The following C9 variants were observed in gnomAD, a reference collection of about 807,000 sequenced individuals.
The protein encoded by C9 is complement C9.
In C9, 63 loss-of-function variants were observed where a neutral mutation model predicts 65.4. The observed-to-expected ratio is 0.96, with a 90% CI of 0.79 to 1.19. The LOEUF is 1.19. C9 is among the 50% of genes most tolerant of loss of function. The pLI, the probability that C9 is intolerant of heterozygous loss-of-function variation, is 0.00. For missense variants in C9, 744 were observed against 670.1 expected, an observed-to-expected ratio of 1.11 and a Z score of -1.22; for synonymous variants, 229 against 227.9, an observed-to-expected ratio of 1.00 and a Z score of -0.04.
At position 39,364,376 on chromosome 5, in the gene C9, T is replaced by C. The variant is rs770155983; in HGVS notation, c.77+12A>G. On this transcript the variant is annotated intron_variant, in intron 1 of 10. Transcript: ENST00000263408. ...AAACTTCCAGAGACAAGCAGAAAAG[T>C]AACTGACTCACCTGGTCGTGTACTG... 14 of 1,523,010 alleles carry C rather than the reference T, an allele frequency of 9.2e-6. No individual in the cohort carries two copies. In the Admixed American group the frequency reaches 2.3e-4, roughly 25 times the overall value. The allele number at this position is 1,523,010 out of a possible 1,614,324, so 94.3% of individuals were successfully genotyped here. A position where few individuals can be genotyped will look rare whatever the true frequency, so the allele number is the denominator to read the frequency against.
At chr5:39,328,108 A>G (rs1753783235) in intron 5 of C9, among the ~76,000 whole-genome samples, 1 of 152,236 alleles carries the variant, frequency 6.6e-6, no homozygotes, top group Non-Finnish European at 1.5e-5. Flanking sequence ...CAGAATGTCT[A>G]GCAATGTACT....
intron 9 of C9, among the ~76,000 whole-genome samples, chr5:39,301,993 T>C (rs1456280975): frequency 1.3e-5 from 2 of 152,078 alleles, no homozygotes; most frequent in East Asian, 3.9e-4. Context: ...ATTCATCTTG[T>C]TATACCCTTC....
chr5:39,299,851 A>G (rs1464670343), intron 9 of C9, among the ~76,000 whole-genome samples: 1 of 152,170 alleles, frequency 6.6e-6, no homozygotes. Flanking sequence ...TTACATTAAA[A>G]TGTATCTATA....
Position 39,288,916 on chromosome 5 carries a change from C to G in C9, c.1452G>C (p.Met484Ile), listed in dbSNP as rs767905627. The G allele has an allele frequency of 6.2e-7, 1 of 1,609,452 alleles. No homozygotes were observed. Among genetic ancestry groups the G allele is most frequent in the East Asian group, 2.2e-5 (1 of 44,746 alleles). ...TTTGTTTCTTTAGGTGTGCATTTTT[C>G]ATTTTCACTGGAACCAGATTATATA... ...SPIYNLVPVKMKNAHLKKQNL... is the reference protein window; with the variant it reads ...SPIYNLVPVKIKNAHLKKQNL... Residue 484 changes from methionine to isoleucine, a missense_variant, in exon 10 of 11, where the codon ATG becomes ATC. Met to Ile is a conservative substitution (Grantham distance 10, BLOSUM62 1). Transcript: ENST00000263408.
intron 1 of C9, among the ~76,000 whole-genome samples, chr5:39,352,757 AAAATGC>A (rs1027765483): frequency 6.6e-6 from 1 of 152,206 alleles, no homozygotes; most frequent in African/African-American, 2.4e-5. Context: ...GGGTCTTTTA[AAAATGC>A]AAATTTGATC....
In C9 at chr5:39,341,631, T is replaced by G; in HGVS notation, c.253A>C (p.Arg85=). 6.2e-7 allele frequency: 1 copy of G among 1,613,800 alleles called. No individual in the cohort carries two copies. Among genetic ancestry groups the G allele is most frequent in the Non-Finnish European group, 8.5e-7 (1 of 1,179,638 alleles). The change falls in exon 3 of 11, where the codon AGA becomes CGA. Residue 85 remains arginine (R), a synonymous_variant. Transcript: ENST00000263408. The part of the protein sequence containing the change: ...GKRCTDAVGD[R]RQCVPTEPCE... ...GGCTCTGTGGGCACACACTGTCGTC[T>G]GTCTCCCACAGCGTCGGTGCATCTT...
intron 9 of C9, among the ~76,000 whole-genome samples, chr5:39,301,707 A>C (rs1753287009): frequency 1.6e-5 from 2 of 128,562 alleles, no homozygotes; most frequent in African/African-American, 5.3e-5. Flanking sequence ...CATCTGTATC[A>C]AAAACACCAT....
intron 5 of C9, among the ~76,000 whole-genome samples, chr5:39,318,068 G>T (rs1232321247): frequency 4.0e-5 from 6 of 151,478 alleles, no homozygotes; most frequent in Non-Finnish European, 5.9e-5. Flanking sequence ...CACTTGCTTT[G>T]TTAGCTGTAT....
chr5:39,314,949 A>G (rs538747801), intron 6 of C9, among the ~76,000 whole-genome samples: 2 of 152,266 alleles, frequency 1.3e-5, no homozygotes, highest in Admixed American at 6.5e-5. Flanking sequence ...AATTTTCATC[A>G]GCTTGGTTCA....
chr5:39,350,990 G>C (rs1159324360), intron 1 of C9, among the ~76,000 whole-genome samples: 2 of 152,174 alleles, frequency 1.3e-5, no homozygotes, highest in Non-Finnish European at 2.9e-5. Context: ...GCAAACTTCT[G>C]CCTGGACATC....
chr5:39,340,513 T>C (rs1579870086), intron 4 of C9, among the ~76,000 whole-genome samples: 1 of 152,212 alleles, frequency 6.6e-6, no homozygotes, highest in African/African-American at 2.4e-5. Context: ...CTCTATTCTG[T>C]ATAATCCTGA....
intron 4 of C9, among the ~76,000 whole-genome samples, chr5:39,334,379 C>T (rs1753913481): frequency 6.7e-6 from 1 of 149,538 alleles, no homozygotes; most frequent in African/African-American, 2.5e-5. Context: ...TGCCTGGCAA[C>T]CGCCCCGTCT....
chr5:39,308,932 A>G (rs990108134), intron 7 of C9, among the ~76,000 whole-genome samples: 1 of 152,168 alleles, frequency 6.6e-6, no homozygotes, highest in Non-Finnish European at 1.5e-5. Context: ...AGATACATCA[A>G]CATCTCCTGA....
At chr5:39,343,770 C>T (rs979101643) in intron 1 of C9, among the ~76,000 whole-genome samples, 1 of 152,166 alleles carries the variant, frequency 6.6e-6, no homozygotes, top group Non-Finnish European at 1.5e-5. Context: ...TGGGAGGCAC[C>T]CCCCAGTAGG....
Position 39,306,706 on chromosome 5 carries a change from T to A in C9, c.1327A>T (p.Lys443Ter), listed in dbSNP as rs1753385853. Residue 443 changes from lysine to a stop codon, truncating the protein, a stop_gained, in exon 9 of 11, where the codon AAG becomes TAG. Coordinates refer to ENST00000263408, the MANE Select transcript of C9 (RefSeq NM_001737.5). LOFTEE classifies it high-confidence loss of function. Reference protein sequence around the residue: ...TRKYAFELKEKLLRGTVIDVT... With the variant: ...TRKYAFELKE ...TCAATCACGGTTCCTCGGAGAAGCT[T>A]TTCTTTCAGTTCAAATGCATATTTT... 1 of 1,613,128 alleles carries A rather than the reference T, an allele frequency of 6.2e-7. No individual in the cohort carries two copies. Among genetic ancestry groups the A allele is most frequent in the Admixed American group, 1.7e-5 (1 of 59,958 alleles).
intron 7 of C9, among the ~76,000 whole-genome samples, chr5:39,310,689 T>C (rs968740454): frequency 6.6e-6 from 1 of 152,206 alleles, no homozygotes; most frequent in Non-Finnish European, 1.5e-5. Context: ...ATAACACTGC[T>C]TCTTCTTTTC....
rs1489484784 is a variant in C9 at position 39,341,144 on chromosome 5, A to G, written c.476+2T>C. The G allele has an allele frequency of 1.9e-6, 3 of 1,614,010 alleles. No homozygotes were observed. Among genetic ancestry groups the G allele is most frequent in the Non-Finnish European group, 2.5e-6 (3 of 1,179,970 alleles). On this transcript the variant is annotated splice_donor_variant, in intron 4 of 10. Coordinates refer to ENST00000263408, the MANE Select transcript of C9 (RefSeq NM_001737.5). LOFTEE classifies it high-confidence loss of function. ...CTGAAAAAGTACAAGTAAAATACAC[A>G]CCCATAGCCTGCTGTTCGTGCCAGC...
intron 9 of C9, among the ~76,000 whole-genome samples, chr5:39,297,836 C>G (rs1408442949): frequency 2.6e-5 from 4 of 151,692 alleles, no homozygotes; most frequent in Non-Finnish European, 4.4e-5. Context: ...GTGCTATCAA[C>G]TAATTGACCT....
chr5:39,330,057 A>G (rs1162179682), intron 5 of C9, among the ~76,000 whole-genome samples: 1 of 152,232 alleles, frequency 6.6e-6, no homozygotes, highest in Non-Finnish European at 1.5e-5. Flanking sequence ...TTGGCATCAA[A>G]TAAATATTCA....
Sources: gnomAD v4.1 joint callset for allele counts (sites outside exome capture counted in the v4.1 genomes callset) on GRCh38, gnomAD v4.1.1 for gene constraint, MANE v1.5 for transcripts, NCBI Gene and HGNC (gene_info 2026-07-23, HGNC 2026-07-21) for gene names.